Variants in FGD5 observed in about 807,000 individuals in gnomAD.
The protein encoded by FGD5 is FYVE, RhoGEF and PH domain containing 5.
A neutral mutation model predicts 133.4 loss-of-function variants in FGD5; 28 were observed. The ratio of observed to expected loss-of-function variants is 0.21; its 90% confidence interval spans 0.16 to 0.29. The LOEUF (loss-of-function observed/expected upper bound fraction) is 0.29, where lower values mean the gene tolerates loss of function less well. Ranked by LOEUF, FGD5 falls within the 10% of genes least tolerant of loss-of-function variation. The pLI is 1.00. For missense variants in FGD5, 1,858 were observed against 1,895.2 expected, an observed-to-expected ratio of 0.98 and a Z score of 0.36; for synonymous variants, 810 against 776.5, an observed-to-expected ratio of 1.04 and a Z score of -0.72.
chr3:14,897,336 C>T lies in FGD5; in HGVS notation c.2749-173C>T, dbSNP rs553515755. Reference sequence around the variant, plus strand: ...CAGGCAGCCCTATGGTCGCCAGGTGCATGTGGTCATCTCTGCTTTGTAGGT... The same window carrying T: ...CAGGCAGCCCTATGGTCGCCAGGTGTATGTGGTCATCTCTGCTTTGTAGGT... On this transcript the variant is annotated intron_variant, in intron 4 of 19. Coordinates refer to ENST00000285046, the MANE Select transcript of FGD5 (RefSeq NM_152536.4). 18 of 721,766 alleles carry T rather than the reference C, an allele frequency of 2.5e-5. No individual in the cohort carries two copies. In the South Asian group the frequency reaches 3.2e-4, roughly 13 times the overall value. 44.7% of individuals were successfully genotyped at this position (721,766 alleles called of 1,614,324 possible). A position where few individuals can be genotyped will look rare whatever the true frequency, so the allele number is the denominator to read the frequency against.
rs763685484 is a variant in FGD5 at position 14,898,814 on chromosome 3, G to A, written c.3142G>A (p.Val1048Met). 2.5e-6 allele frequency: 4 copies of A among 1,577,754 alleles called. No individual in the cohort carries two copies. The highest frequency in any genetic ancestry group is 3.4e-6 in the Non-Finnish European group (4 of 1,162,618). Residue 1048 changes from valine (V) to methionine (M), a missense_variant, in exon 7 of 20, where the codon GTG (valine) becomes ATG (methionine). Physicochemically the swap from Val to Met is conservative, Grantham distance 21 (BLOSUM62 1). Around this residue, in one of 3 missense-constraint regions of FGD5, gnomAD observed 1,824 missense variants for 1,848.9 expected, o/e 0.99. Transcript: ENST00000285046. ...RVVQRLFQYQ[V>M]LLTDYLNNLC... ...GGTTCAACGCCTCTTCCAGTACCAA[G>A]TGCTCCTCACAGGTGGGCCCCACAG...
chr3:14,853,667 T>A (rs932388346), intron 1 of FGD5, among the ~76,000 whole-genome samples: 2 of 88,814 alleles, frequency 2.3e-5, no homozygotes, highest in East Asian at 4.0e-4. Context: ...TTTTTTTTTT[T>A]ACGAGTTATT....
At chr3:14,894,251 T>C (rs1302063916) in intron 4 of FGD5, among the ~76,000 whole-genome samples, 1 of 152,222 alleles carries the variant, frequency 6.6e-6, no homozygotes, top group Non-Finnish European at 1.5e-5. Flanking sequence ...ATAATGACTT[T>C]CAGTTCCATC....
chr3:14,910,849 C>T lies in FGD5; in HGVS notation c.3337-12C>T. The T allele has an allele frequency of 6.2e-7, 1 of 1,612,402 alleles. No individual in the cohort carries two copies. Among genetic ancestry groups the T allele is most frequent in the Non-Finnish European group, 8.5e-7 (1 of 1,179,224 alleles). On this transcript the variant is annotated splice_polypyrimidine_tract_variant and intron_variant, in intron 10 of 19. Coordinates refer to ENST00000285046, the MANE Select transcript of FGD5 (RefSeq NM_152536.4). The stretch of plus-strand genomic sequence containing the variant: ...TCAGCCTGACCGCCAAGTTCTGCTT[C>T]TCTCCCCACAGGAGTTTCTGAAGGA...
intron 9 of FGD5, among the ~76,000 whole-genome samples, chr3:14,901,427 C>T (rs2038237695): frequency 6.6e-6 from 1 of 152,220 alleles, no homozygotes; most frequent in Admixed American, 6.5e-5. Context: ...AACAAGCACC[C>T]TGGGTAAATG....
chr3:14,853,636 C>CTTTTTTTTTTTTTTTTTTTTTTTTTT (rs34008934), intron 1 of FGD5, among the ~76,000 whole-genome samples: 2 of 37,096 alleles, frequency 5.4e-5, no homozygotes, highest in African/African-American at 1.2e-4. Context: ...AAAAGCGTTC[C>CTTTTTTTTTTTTTTTTTTTTTTTTTT]TTTTTTTTTT....
intron 11 of FGD5, among the ~76,000 whole-genome samples, chr3:14,915,909 A>G (rs938361525): frequency 6.6e-6 from 1 of 152,050 alleles, no homozygotes; most frequent in Non-Finnish European, 1.5e-5. Context: ...TGTTGGCACC[A>G]TGTGTACAGG....
intron 8 of FGD5, among the ~76,000 whole-genome samples, 160 bp from the exon 9 acceptor site, chr3:14,900,843 C>T (rs1403434130): frequency 3.3e-5 from 5 of 152,200 alleles, no homozygotes; most frequent in African/African-American, 9.7e-5. Context: ...AGTTTACAGC[C>T]AGGGAAACTG....
Position 14,864,174 on chromosome 3 carries a change from C to T in FGD5, c.2572C>T (p.Pro858Ser), listed in dbSNP as rs1275896724. The T allele has an allele frequency of 6.2e-7, 1 of 1,613,998 alleles. No homozygotes were observed. Among genetic ancestry groups the T allele is most frequent in the East Asian group, 2.2e-5 (1 of 44,888 alleles). The change falls in exon 2 of 20, where the codon CCC becomes TCC. Residue 858 changes from proline (P) to serine (S), a missense_variant. By Grantham distance (74) the Pro-to-Ser change is moderately conservative. Around this residue, in one of 3 missense-constraint regions of FGD5, gnomAD observed 1,824 missense variants for 1,848.9 expected, o/e 0.99. Coordinates refer to ENST00000285046, the MANE Select transcript of FGD5 (RefSeq NM_152536.4). The part of the protein sequence containing the change: ...YKVCPISSAA[P>S]KEDLTSDEEQ... ...AGTCTGTCCCATCTCGTCGGCAGCCCCCAAAGAGGACCTTACGTCGGATGA... is the reference window on the plus strand; with the variant it reads ...AGTCTGTCCCATCTCGTCGGCAGCCTCCAAAGAGGACCTTACGTCGGATGA...
At chr3:14,844,217 A>AAAAAAAATAT (rs1559477363) in intron 1 of FGD5, among the ~76,000 whole-genome samples, 1 of 20,380 alleles carries the variant, frequency 4.9e-5, no homozygotes, top group Non-Finnish European at 8.5e-5. Flanking sequence ...AAAAAAAAAA[A>AAAAAAAATAT]ATATATATAT....
In FGD5 at chr3:14,864,111, C is replaced by T. The variant is rs745707526; in HGVS notation, c.2526-17C>T. ...AAACAAAAAGCTTTAACCCTTCTTT[C>T]CCCTGCTTTGACCCAGCGCCTACAC... On this transcript the variant is annotated splice_polypyrimidine_tract_variant and intron_variant, in intron 1 of 19. Coordinates refer to ENST00000285046, the MANE Select transcript of FGD5 (RefSeq NM_152536.4). The T allele has an allele frequency of 6.2e-7, 1 of 1,608,534 alleles. No individual in the cohort carries two copies. The highest frequency in any genetic ancestry group is 1.7e-5 in the Admixed American group (1 of 59,802).
intron 19 of FGD5, 137 bp from the exon 20 acceptor site, chr3:14,932,994 G>C: frequency 8.9e-7 from 1 of 1,129,072 alleles, no homozygotes; most frequent in Non-Finnish European, 1.3e-6. Flanking sequence ...AAACATGTTT[G>C]AGAAACAAAT....
chr3:14,819,709 C>A lies in FGD5; in HGVS notation c.638C>A (p.Ala213Glu). The A allele has an allele frequency of 1.3e-6, 2 of 1,536,036 alleles. No individual in the cohort carries two copies. Among genetic ancestry groups the A allele is most frequent in the Non-Finnish European group, 1.8e-6 (2 of 1,138,994 alleles). ...GAGCCCCCCGACACCCCCGGGGAGG[C>A]AGAGGAGGATGATGAGGAAGGCTGT... ...DQEPPDTPGE[A>E]EEDDEEGCAS... Residue 213 changes from alanine to glutamate, a missense_variant, in exon 1 of 20, where the codon GCA (alanine) becomes GAA (glutamate). Ala to Glu is a moderately radical substitution (Grantham distance 107). This residue lies in a region of FGD5 where 1,824 missense variants were observed against 1,848.9 expected (regional missense o/e 0.99). Transcript: ENST00000285046. The surrounding 1 kb of genome is among the most constrained non-coding windows in gnomAD (Gnocchi z 4.1).
chr3:14,897,400 C>T lies in FGD5; in HGVS notation c.2749-109C>T. ...CTGGAGACACTGGCTTAAGTCCTCA[C>T]TGCTGTCTTCACAGAGGCCAGGGCT... is the stretch of plus-strand genomic sequence containing the variant. On this transcript the variant is annotated intron_variant, in intron 4 of 19. Transcript: ENST00000285046. 3 of 1,309,988 alleles carry T rather than the reference C, an allele frequency of 2.3e-6. No individual in the cohort carries two copies. In the East Asian group the frequency reaches 7.5e-5, roughly 33 times the overall value. The allele number at this position is 1,309,988 out of a possible 1,614,324, so 81.1% of individuals were successfully genotyped here. A position where few individuals can be genotyped will look rare whatever the true frequency, so the allele number is the denominator to read the frequency against.
At position 14,819,222 on chromosome 3, in the gene FGD5, C is replaced by T. The variant is rs375026840; in HGVS notation, c.151C>T (p.Arg51Trp). 2.5e-5 allele frequency: 39 copies of T among 1,547,878 alleles called. No homozygotes were observed. The highest frequency in any genetic ancestry group is 6.0e-5 in the South Asian group (5 of 83,228). ...AGACAGGGGGCTTGATGAGGGGCCC[C>T]GGTCCATCCCAAAGTGCTCTGAGTC... ...CVDRGLDEGP[R>W]SIPKCSESET... Residue 51 changes from arginine to tryptophan, a missense_variant, in exon 1 of 20, where the codon CGG becomes TGG. Coordinates refer to ENST00000285046, the MANE Select transcript of FGD5 (RefSeq NM_152536.4). The surrounding 1 kb of genome is among the most constrained non-coding windows in gnomAD (Gnocchi z 4.1).
intron 19 of FGD5, 139 bp downstream of exon 19, chr3:14,932,870 C>A: frequency 9.7e-7 from 1 of 1,035,510 alleles, no homozygotes; most frequent in Non-Finnish European, 1.4e-6. Flanking sequence ...AACTGCAGAA[C>A]TACCTGTTCT....
At chr3:14,814,525 T>G (rs1559464129), upstream of FGD5, among the ~76,000 whole-genome samples, 1 of 152,094 alleles carries the variant, frequency 6.6e-6, no homozygotes, top group Non-Finnish European at 1.5e-5. Flanking sequence ...GCTCTCATAC[T>G]CTTGATTTGT....
chr3:14,844,775 A>G (rs546558913), intron 1 of FGD5, among the ~76,000 whole-genome samples: 108 of 152,288 alleles, frequency 7.1e-4, no homozygotes, highest in African/African-American at 2.0e-3. Context: ...AAATTGGACA[A>G]TGTCTAGAAG....
chr3:14,826,924 A>G (rs897785484), intron 1 of FGD5, among the ~76,000 whole-genome samples: 3 of 152,216 alleles, frequency 2.0e-5, no homozygotes, highest in Admixed American at 6.5e-5. Context: ...AGATGGGTTC[A>G]GGGCTGCAGG....
Sources: allele counts gnomAD v4.1 joint callset (sites outside exome capture counted in the v4.1 genomes callset), GRCh38; gene constraint gnomAD v4.1.1; regional missense constraint gnomAD v4.1.1; non-coding constraint Gnocchi (gnomAD v3.1); transcripts MANE v1.5; gene names NCBI Gene and HGNC (gene_info 2026-07-23, HGNC 2026-07-21).